The following HEATR5A variants were observed in gnomAD, a reference collection of about 807,000 sequenced individuals.
HEATR5A encodes HEAT repeat containing 5A, also known as HEAT repeat-containing protein 5A.
HEATR5A carries 178 observed loss-of-function variants against 218.8 expected under a neutral mutation model. The ratio of observed to expected loss-of-function variants is 0.81; its 90% CI spans 0.72 to 0.92. HEATR5A has a LOEUF of 0.92. Ranked by LOEUF, HEATR5A falls within the 40% of genes least tolerant of loss-of-function variation. HEATR5A has a pLI of 0.00. For synonymous variants in HEATR5A, 864 were observed against 871.6 expected (o/e 0.99, Z 0.15); for missense variants, 2,420 against 2,418.9 (o/e 1.00, Z -0.01).
intron 7 of HEATR5A, 143 bp from the exon 8 acceptor site, chr14:31,387,518 A>G: frequency 1.4e-6 from 1 of 723,734 alleles, no homozygotes; most frequent in South Asian, 2.0e-5. Flanking sequence ...TGAAATATAC[A>G]AACATAGCAC....
At chr14:31,360,051 A>C (rs1427573418) in intron 14 of HEATR5A, among the ~76,000 whole-genome samples, 2 of 858 alleles carry the variant, frequency 2.3e-3, no homozygotes, top group African/African-American at 2.4e-3. Context: ...CTCATGTTGT[A>C]AAAAAAAAAA....
intron 6 of HEATR5A, among the ~76,000 whole-genome samples, chr14:31,390,974 T>C (rs2030429982): frequency 6.6e-6 from 1 of 152,086 alleles, no homozygotes; most frequent in Non-Finnish European, 1.5e-5. Flanking sequence ...GACCATCCAG[T>C]GGGACAAGAT....
chr14:31,340,688 C>G (rs540123067), intron 21 of HEATR5A, among the ~76,000 whole-genome samples: 1 of 152,288 alleles, frequency 6.6e-6, no homozygotes, highest in African/African-American at 2.4e-5. Context: ...CTCAAGAACT[C>G]TAAGACGTAA....
chr14:31,398,763 CA>C lies in HEATR5A; in HGVS notation c.356del (p.Leu119TrpfsTer27). 2.0e-6 allele frequency: 3 copies of C among 1,525,628 alleles called. No homozygotes were observed. Among genetic ancestry groups the C allele is most frequent in the Non-Finnish European group, 2.6e-6 (3 of 1,137,372 alleles). The allele number at this position is 1,525,628 out of a possible 1,614,324, so 94.5% of individuals were successfully genotyped here. On this transcript the variant is annotated frameshift_variant, in exon 4 of 36. Transcript: ENST00000543095. LOFTEE classifies it high-confidence loss of function. ...TACCCAACTTCTTGTACAAGGAACC[CA>C]AACATACCACAGCAGCACTGAAACA... is the stretch of plus-strand genomic sequence containing the variant. ...LPTKLAAVVC[L>X]GSLYKKLGRI...
intron 32 of HEATR5A, among the ~76,000 whole-genome samples, chr14:31,304,427 T>C (rs550390343): frequency 4.2e-4 from 63 of 150,776 alleles, no homozygotes; most frequent in African/African-American, 1.3e-3. Context: ...CACTCTCTCT[T>C]TTTTTTTTAG....
intron 10 of HEATR5A, 97 bp downstream of exon 10, chr14:31,383,424 A>G (rs1304109808): frequency 1.1e-5 from 13 of 1,206,278 alleles, no homozygotes; most frequent in Non-Finnish European, 1.5e-5. Context: ...CTAGATGTAC[A>G]GCAAAATAAA....
intron 19 of HEATR5A, among the ~76,000 whole-genome samples, chr14:31,346,885 C>T (rs1901040238): frequency 6.6e-6 from 1 of 152,016 alleles, no homozygotes; most frequent in Admixed American, 6.6e-5. Flanking sequence ...AAAATCATTC[C>T]ATATTTGATT....
At chr14:31,342,518 C>T (rs1376890020) in intron 21 of HEATR5A, among the ~76,000 whole-genome samples, 1 of 152,140 alleles carries the variant, frequency 6.6e-6, no homozygotes, top group African/African-American at 2.4e-5. Flanking sequence ...ATGCCTGAGA[C>T]ATTTGCCTTT....
intron 9 of HEATR5A, among the ~76,000 whole-genome samples, chr14:31,385,874 T>C (rs2030198417): frequency 6.6e-6 from 1 of 152,076 alleles, no homozygotes; most frequent in Admixed American, 6.5e-5. Flanking sequence ...AATACAGGCA[T>C]GCGCCACCAT....
At position 31,407,711 on chromosome 14, in the gene HEATR5A, C is replaced by T. The variant is rs1028657922; in HGVS notation, c.-74-4662G>A. On this transcript the variant is annotated intron_variant, in intron 1 of 35. Coordinates refer to ENST00000543095, the MANE Select transcript of HEATR5A (RefSeq NM_015473.4). ...TGGTGCGATCTCGGCTCACTGCAACCTCCACCTCCCAGGTTCAAACAATTC... is the reference window on the plus strand; with the variant it reads ...TGGTGCGATCTCGGCTCACTGCAACTTCCACCTCCCAGGTTCAAACAATTC... 3.3e-5 allele frequency among the ~76,000 whole-genome samples: 5 copies of T among 152,024 alleles called. No individual in the cohort carries two copies. The East Asian group carries it at 9.6e-4, about 29-fold the overall frequency.
At chr14:31,370,308 T>C (rs1269349071) in intron 13 of HEATR5A, among the ~76,000 whole-genome samples, 8 of 151,150 alleles carry the variant, frequency 5.3e-5, no homozygotes, top group Admixed American at 4.6e-4. Flanking sequence ...TATGAATGAA[T>C]AGGCATTTTA....
chr14:31,402,703 A>T (rs1298663094), intron 2 of HEATR5A, 147 bp downstream of exon 2: 2 of 690,530 alleles, frequency 2.9e-6, no homozygotes, highest in African/African-American at 3.6e-5. Flanking sequence ...ATGAGGGAAC[A>T]AAAAATGTAA....
chr14:31,311,137 T>C (rs1238418924), intron 28 of HEATR5A, among the ~76,000 whole-genome samples: 1 of 151,774 alleles, frequency 6.6e-6, no homozygotes, highest in African/African-American at 2.4e-5. Flanking sequence ...TATCAAAAAG[T>C]AAAAATACAA....
chr14:31,383,636 C>T lies in HEATR5A; in HGVS notation c.1481G>A (p.Arg494Gln), dbSNP rs191890003. 3.5e-5 allele frequency: 57 copies of T among 1,613,918 alleles called. No individual in the cohort carries two copies. The Middle Eastern group carries it at 3.6e-3, about 103-fold the overall frequency. The change falls in exon 10 of 36, where the codon CGG (arginine) becomes CAG (glutamine). Residue 494 changes from arginine to glutamine, a missense_variant. By Grantham distance (43) the Arg-to-Gln change is conservative. Coordinates refer to ENST00000543095, the MANE Select transcript of HEATR5A (RefSeq NM_015473.4). ...AGGTGAAGACTTATGTCCAGTAAGC[C>T]GTTCAAGGCAACGATCCAAGAGTGG... The part of the protein sequence containing the change: ...LTPLLDRCLE[R>Q]LTGHKSSPEA...
At chr14:31,332,769 T>G (rs1900516544) in intron 22 of HEATR5A, among the ~76,000 whole-genome samples, 1 of 152,024 alleles carries the variant, frequency 6.6e-6, no homozygotes, top group Non-Finnish European at 1.5e-5. Context: ...GCGGATCACC[T>G]AAGGTCAGGA....
intron 23 of HEATR5A, among the ~76,000 whole-genome samples, chr14:31,324,683 CTTTT>C (rs57220635): frequency 1.6e-4 from 20 of 125,974 alleles, no homozygotes; most frequent in Non-Finnish European, 2.6e-4. Context: ...CATGTATTTT[CTTTT>C]TTTTTTTTTT....
At chr14:31,419,162 C>T (rs565826943) in intron 1 of HEATR5A, among the ~76,000 whole-genome samples, 1 of 152,180 alleles carries the variant, frequency 6.6e-6, no homozygotes, top group African/African-American at 2.4e-5. Flanking sequence ...TTTTCTTATT[C>T]TCCTATTCTA....
chr14:31,374,060 C>G (rs915999234), intron 12 of HEATR5A, among the ~76,000 whole-genome samples: 1 of 152,030 alleles, frequency 6.6e-6, no homozygotes, highest in Non-Finnish European at 1.5e-5. Flanking sequence ...AATCCCAACA[C>G]TTTGGGAGGC....
intron 19 of HEATR5A, among the ~76,000 whole-genome samples, chr14:31,346,065 GCTCT>G (rs1404824398): frequency 6.6e-6 from 1 of 152,078 alleles, no homozygotes; most frequent in African/African-American, 2.4e-5. Context: ...TAAATTAAAA[GCTCT>G]CTCTTCAGAA....
Sources: allele counts gnomAD v4.1 joint callset (sites outside exome capture counted in the v4.1 genomes callset), GRCh38; gene constraint gnomAD v4.1.1; transcripts MANE v1.5; gene names NCBI Gene and HGNC (gene_info 2026-07-23, HGNC 2026-07-21).